Variants in RGS20 observed in about 807,000 individuals in gnomAD.
RGS20 encodes gz-selective GTPase-activating protein.
A neutral mutation model predicts 33.6 loss-of-function variants in RGS20; 30 were observed. That is an observed-to-expected ratio of 0.89 (90% CI 0.67 to 1.21). The LOEUF (loss-of-function observed/expected upper bound fraction) is 1.21. RGS20 is among the 50% of genes most tolerant of loss of function. RGS20 has a pLI of 0.00. For missense variants in RGS20, 472 were observed against 502.4 expected (o/e 0.94, Z 0.58); for synonymous variants, 208 against 197.9 (o/e 1.05, Z -0.43).
In RGS20 at chr8:53,879,564, G is replaced by C; in HGVS notation, c.472G>C (p.Glu158Gln). 6.5e-7 allele frequency: 1 copy of C among 1,539,588 alleles called. No individual in the cohort carries two copies. ...CCCCCATCCGGTAGCCAAGCCCAGG[G>C]AAGAAGACGCCACCGCTGGGCAGAG... Residue 158 changes from glutamate (E) to glutamine (Q), a missense_variant, in exon 2 of 6, where the codon GAA (glutamate) becomes CAA (glutamine). By Grantham distance (29) the Glu-to-Gln change is conservative (BLOSUM62 2). This residue lies in a region of RGS20 where 319 missense variants were observed against 283.4 expected (regional missense o/e 1.13). Transcript: ENST00000297313.
chr8:53,886,748 C>A (rs1812557267), intron 2 of RGS20, among the ~76,000 whole-genome samples: 1 of 152,154 alleles, frequency 6.6e-6, no homozygotes, highest in Non-Finnish European at 1.5e-5. Flanking sequence ...TGTGGTTGTT[C>A]AAGGCTGGAG....
chr8:53,918,362 C>T (rs1170862041), intron 2 of RGS20, among the ~76,000 whole-genome samples: 2 of 151,044 alleles, frequency 1.3e-5, no homozygotes, highest in African/African-American at 2.4e-5. Context: ...CCTTCGTTCA[C>T]TTCACTTCAC....
At chr8:53,941,734 T>A (rs994928138) in intron 3 of RGS20, among the ~76,000 whole-genome samples, 2 of 152,154 alleles carry the variant, frequency 1.3e-5, no homozygotes, top group African/African-American at 2.4e-5. Flanking sequence ...CAACACGTGA[T>A]AAAAGTGACA....
intron 5 of RGS20, among the ~76,000 whole-genome samples, chr8:53,955,674 A>G (rs1019370756): frequency 2.6e-5 from 4 of 152,118 alleles, no homozygotes; most frequent in Admixed American, 6.5e-5. Context: ...TACTAAAAAT[A>G]CAAAAAATTA....
rs1007341409 is a variant in RGS20, at chr8:53,880,890, G to A, written c.510+1288G>A. The A allele has an allele frequency of 5.4e-6, 8 of 1,492,018 alleles. No homozygotes were observed. The African/African-American group carries it at 1.1e-4, about 21-fold the overall frequency. The allele number at this position is 1,492,018 out of a possible 1,614,324, so 92.4% of individuals were successfully genotyped here. ...AGGAGGCAGAGCAAGGGGAGGAAGA[G>A]GCCGGGAGAAGAGGGCTAGAGCAAA... On this transcript the variant is annotated intron_variant, in intron 2 of 5. Transcript: ENST00000297313.
chr8:53,941,700 G>A (rs375570050), intron 3 of RGS20, among the ~76,000 whole-genome samples: 1 of 152,136 alleles, frequency 6.6e-6, no homozygotes, highest in Non-Finnish European at 1.5e-5. Flanking sequence ...ATCAGTGAAA[G>A]ACAATAAATC....
intron 5 of RGS20, 75 bp from the exon 5 acceptor site, chr8:53,958,195 C>A: frequency 9.2e-7 from 1 of 1,081,764 alleles, no homozygotes; most frequent in East Asian, 2.8e-5. Context: ...ACAAAAATCC[C>A]CACAAGCTCT....
At chr8:53,939,361 T>A (rs1814221634) in intron 2 of RGS20, among the ~76,000 whole-genome samples, 1 of 152,252 alleles carries the variant, frequency 6.6e-6, no homozygotes, top group Non-Finnish European at 1.5e-5. Context: ...ATCCCTGGAA[T>A]GTATCTCAAT....
chr8:53,880,554 C>G (rs548615624), intron 2 of RGS20, among the ~76,000 whole-genome samples: 2 of 152,332 alleles, frequency 1.3e-5, no homozygotes, highest in South Asian at 4.1e-4. Context: ...TCCTTCCTCC[C>G]GCTCCCTTCA....
At chr8:53,865,787 TA>T (rs768003244) in intron 1 of RGS20, among the ~76,000 whole-genome samples, 9 of 152,158 alleles carry the variant, frequency 5.9e-5, no homozygotes, top group African/African-American at 9.7e-5. Context: ...TATCCATTTT[TA>T]GTGGAGATGG....
rs1266154609 is a variant in RGS20 at position 53,852,124 on chromosome 8, A to G, written c.165+60A>G. ...GTCAAGGGAAAGTGTTTACCCAGAA[A>G]GAATATAAAACTATACTCAAGCTTT... is the stretch of plus-strand genomic sequence containing the variant. On this transcript the variant is annotated intron_variant, in intron 1 of 5. Coordinates refer to ENST00000297313, the MANE Select transcript of RGS20 (RefSeq NM_170587.4). 28 of 1,474,920 alleles carry G rather than the reference A, an allele frequency of 1.9e-5. No homozygotes were observed. In the Middle Eastern group the frequency reaches 7.1e-4, roughly 38 times the overall value. The allele number at this position is 1,474,920 out of a possible 1,614,324, so 91.4% of individuals were successfully genotyped here. A position where few individuals can be genotyped will look rare whatever the true frequency, so the allele number is the denominator to read the frequency against.
At chr8:53,927,518 T>C (rs549263698) in intron 2 of RGS20, among the ~76,000 whole-genome samples, 59 of 152,240 alleles carry the variant, frequency 3.9e-4, no homozygotes, top group Non-Finnish European at 7.6e-4. Flanking sequence ...AGGCTGCTTT[T>C]GAAATCCCAC....
At chr8:53,911,061 G>A (rs1321045578) in intron 2 of RGS20, among the ~76,000 whole-genome samples, 1 of 152,206 alleles carries the variant, frequency 6.6e-6, no homozygotes, top group African/African-American at 2.4e-5. Flanking sequence ...GAGGTATTTG[G>A]AGGTGAACTA....
At chr8:53,907,258 CTA>C (rs1245281969) in intron 2 of RGS20, among the ~76,000 whole-genome samples, 2 of 152,084 alleles carry the variant, frequency 1.3e-5, no homozygotes, top group Admixed American at 6.6e-5. Context: ...TTGATGTTTT[CTA>C]TGTCTTGTTA....
chr8:53,920,063 A>G (rs1813599169), intron 2 of RGS20, among the ~76,000 whole-genome samples: 1 of 151,870 alleles, frequency 6.6e-6, no homozygotes, highest in Admixed American at 6.6e-5. Flanking sequence ...TTAGTAGAGA[A>G]GGTGTTTCAC....
intron 2 of RGS20, among the ~76,000 whole-genome samples, chr8:53,933,466 C>G (rs988469191): frequency 2.0e-5 from 3 of 152,002 alleles, no homozygotes; most frequent in South Asian, 2.1e-4. Context: ...GAAGCATACA[C>G]AAGTATCAAT....
In RGS20 at chr8:53,958,980, A is replaced by G. The variant is rs1814956801; in HGVS notation, c.*522A>G. On this transcript the variant is annotated 3_prime_UTR_variant, in exon 6 of 6. Transcript: ENST00000297313. ...CCACTACATGTAAAAATAGCATTCTACTTGATCTTACAGTATGTATGTATG... is the reference window on the plus strand; with the variant it reads ...CCACTACATGTAAAAATAGCATTCTGCTTGATCTTACAGTATGTATGTATG... The G allele has an allele frequency of 6.6e-6, 1 of 152,304 alleles. No individual in the cohort carries two copies. Among genetic ancestry groups the G allele is most frequent in the Admixed American group, 6.5e-5 (1 of 15,286 alleles). The allele number at this position is 152,304 out of a possible 1,614,324, so 9.4% of individuals were successfully genotyped here.
At chr8:53,943,009 T>G (rs1814354297) in intron 3 of RGS20, among the ~76,000 whole-genome samples, 2 of 151,876 alleles carry the variant, frequency 1.3e-5, no homozygotes. Flanking sequence ...AATAAATAAA[T>G]TCATATGCTA....
intron 5 of RGS20, 120 bp from the exon 5 acceptor site, chr8:53,958,150 A>G: frequency 1.1e-5 from 8 of 715,016 alleles, no homozygotes; most frequent in Non-Finnish European, 1.5e-5. Context: ...CAAAACAAAC[A>G]ACAAAAAAAC....
Sources: allele counts gnomAD v4.1 joint callset (sites outside exome capture counted in the v4.1 genomes callset), GRCh38; gene constraint gnomAD v4.1.1; regional missense constraint gnomAD v4.1.1; transcripts MANE v1.5; gene names NCBI Gene and HGNC (gene_info 2026-07-23, HGNC 2026-07-21).